DENND4B: variants seen among roughly 807,000 people sequenced by gnomAD.
DENND4B encodes DENN domain containing 4B.
DENND4B carries 67 observed loss-of-function variants against 161.0 expected under a neutral mutation model. The ratio of observed to expected loss-of-function variants is 0.42; its 90% confidence interval spans 0.34 to 0.51. The LOEUF is 0.51. DENND4B is among the 20% of genes least tolerant of loss of function. DENND4B has a pLI of 0.08. For synonymous variants in DENND4B, 753 were observed against 813.8 expected (o/e 0.93, Z 1.27); for missense variants, 1,481 against 1,968.0 (o/e 0.75, Z 4.68).
chr1:153,939,870 A>T, intron 11 of DENND4B, 66 bp from the exon 12 acceptor site: 1 of 1,499,238 alleles, frequency 6.7e-7, no homozygotes, highest in Non-Finnish European at 9.1e-7. Context: ...CTCTGCTCTC[A>T]TGCCTCCATC....
chr1:153,933,593 A>T lies in DENND4B; in HGVS notation c.3220T>A (p.Ser1074Thr). Residue 1074 changes from serine (S) to threonine (T), a missense_variant, in exon 20 of 28, where the codon TCC (serine) becomes ACC (threonine). Coordinates refer to ENST00000361217, the MANE Select transcript of DENND4B (RefSeq NM_014856.3). The surrounding 1 kb of genome is among the most constrained non-coding windows in gnomAD (Gnocchi z 5.7). Reference sequence around the variant, plus strand: ...GGCAGCTCAGGTGGGGGAATGCGGGAGGCAGGGGAGTGGCGGGAAGGAGTG... The same window carrying T: ...GGCAGCTCAGGTGGGGGAATGCGGGTGGCAGGGGAGTGGCGGGAAGGAGTG... ...LLTPSRHSPA[S>T]RIPPPELPPD... 1 of 1,571,188 alleles carries T rather than the reference A, an allele frequency of 6.4e-7. No homozygotes were observed. Among genetic ancestry groups the T allele is most frequent in the Non-Finnish European group, 8.6e-7 (1 of 1,160,850 alleles).
Position 153,936,740 on chromosome 1 carries a change from T to C in DENND4B, c.2241A>G (p.Lys747=), listed in dbSNP as rs764538884. 2 of 1,588,032 alleles carry C rather than the reference T, an allele frequency of 1.3e-6. No individual in the cohort carries two copies. The highest frequency in any genetic ancestry group is 2.7e-5 in the African/African-American group (2 of 74,564). Residue 747 remains lysine, a synonymous_variant, in exon 16 of 28, where the codon AAA becomes AAG. Transcript: ENST00000361217. This position sits in a 1 kb window ranked among gnomAD's most constrained non-coding sequence, Gnocchi z 4.1. ...ACTTCTGTGCCATCCGCTGTGCAAC[T>C]TTCATCTCCTAGGTAGGACAGGGGA... The part of the protein sequence containing the change: ...PAPRRTKQEM[K]VAQRMAQKSA...
Position 153,930,013 on chromosome 1 carries a change from GA to G in DENND4B, c.*283del, listed in dbSNP as rs1486038200. On this transcript the variant is annotated 3_prime_UTR_variant, in exon 28 of 28. Coordinates refer to ENST00000361217, the MANE Select transcript of DENND4B (RefSeq NM_014856.3). The surrounding 1 kb of genome is among the most constrained non-coding windows in gnomAD (Gnocchi z 4.7). ...GCAATGCAGATCTGTGGGTACCCTG[GA>G]GGGGAGTTCCCGGTATAGGACAAGG... 2.3e-6 allele frequency: 1 copy of G among 434,176 alleles called. No individual in the cohort carries two copies. Among genetic ancestry groups the G allele is most frequent in the African/African-American group, 2.0e-5 (1 of 50,284 alleles). The allele number at this position is 434,176 out of a possible 1,614,324, so 26.9% of individuals were successfully genotyped here. A position where few individuals can be genotyped will look rare whatever the true frequency, so the allele number is the denominator to read the frequency against.
chr1:153,933,905 C>T lies in DENND4B; in HGVS notation c.2942-34G>A, dbSNP rs1679144573. On this transcript the variant is annotated intron_variant, in intron 19 of 27. Coordinates refer to ENST00000361217, the MANE Select transcript of DENND4B (RefSeq NM_014856.3). The surrounding 1 kb of genome is among the most constrained non-coding windows in gnomAD (Gnocchi z 5.7). The stretch of plus-strand genomic sequence containing the variant: ...CAGAAAAGAATGAGGGAAGATGGAC[C>T]CCAGCCTCTGCACCAACTTCCCCTT... The T allele has an allele frequency of 1.9e-6, 3 of 1,590,962 alleles. No homozygotes were observed. The South Asian group carries it at 3.4e-5, about 18-fold the overall frequency.
chr1:153,933,634 C>T lies in DENND4B; in HGVS notation c.3179G>A (p.Arg1060His), dbSNP rs772809386. 2 of 1,564,984 alleles carry T rather than the reference C, an allele frequency of 1.3e-6. No homozygotes were observed. The highest frequency in any genetic ancestry group is 1.7e-6 in the Non-Finnish European group (2 of 1,157,784). Residue 1060 changes from arginine to histidine, a missense_variant, in exon 20 of 28, where the codon CGC becomes CAC. Arg to His is a conservative substitution (Grantham distance 29). This residue lies in a region of DENND4B where 339 missense variants were observed against 330.3 expected (regional missense o/e 1.03). Coordinates refer to ENST00000361217, the MANE Select transcript of DENND4B (RefSeq NM_014856.3). This position sits in a 1 kb window ranked among gnomAD's most constrained non-coding sequence, Gnocchi z 5.7. ...AGTPRRGLGA[R>H]LQQLLTPSRH... The stretch of plus-strand genomic sequence containing the variant: ...GGAAGGAGTGAGCAGCTGTTGGAGG[C>T]GGGCACCCAGCCCTCGTCGGGGGGT...
intron 12 of DENND4B, 76 bp downstream of exon 12, chr1:153,939,513 C>T (rs1679547236): frequency 1.5e-5 from 23 of 1,486,422 alleles, no homozygotes; most frequent in East Asian, 4.6e-5. Context: ...CAGTCCCCTC[C>T]GCCTTTCTGA....
Position 153,933,711 on chromosome 1 carries a change from T to C in DENND4B, c.3102A>G (p.Glu1034=). 1 of 1,586,868 alleles carries C rather than the reference T, an allele frequency of 6.3e-7. No homozygotes were observed. Among genetic ancestry groups the C allele is most frequent in the Non-Finnish European group, 8.6e-7 (1 of 1,167,024 alleles). ...ALSAQSTEAL[E]GLSGRGPKAG... ...CCTTGGGTCCCCGCCCACTTAGCCC[T>C]TCCAGGGCCTCAGTGGACTGGGCAC... The change falls in exon 20 of 28, where the codon GAA becomes GAG. Residue 1034 remains glutamate, a synonymous_variant. Coordinates refer to ENST00000361217, the MANE Select transcript of DENND4B (RefSeq NM_014856.3). The surrounding 1 kb of genome is among the most constrained non-coding windows in gnomAD (Gnocchi z 5.7).
rs555618788 is a variant in DENND4B, at chr1:153,942,992, C to A, written c.456G>T (p.Glu152Asp). 38 of 1,613,886 alleles carry A rather than the reference C, an allele frequency of 2.4e-5. No homozygotes were observed. The highest frequency in any genetic ancestry group is 1.6e-4 in the Middle Eastern group (1 of 6,082). The change falls in exon 3 of 28, where the codon GAG becomes GAT. Residue 152 changes from glutamate to aspartate, a missense_variant. Physicochemically the swap from Glu to Asp is conservative, Grantham distance 45 (BLOSUM62 2). This residue lies in a region of DENND4B where 806 missense variants were observed against 1,134.4 expected (regional missense o/e 0.71). Transcript: ENST00000361217. The surrounding 1 kb of genome is among the most constrained non-coding windows in gnomAD (Gnocchi z 6.9). ...RTYLTYRRAA[E>D]GAGLHALGIT... ...TGCCCAGGGCATGCAGCCCTGCCCC[C>A]TCTGCTGCCCGCCGGTAAGTGAGGT...
At position 153,940,045 on chromosome 1, in the gene DENND4B, C is replaced by T. The variant is rs1219592960; in HGVS notation, c.1603+111G>A. 2 of 1,023,304 alleles carry T rather than the reference C, an allele frequency of 2.0e-6. No individual in the cohort carries two copies. Among genetic ancestry groups the T allele is most frequent in the Non-Finnish European group, 2.8e-6 (2 of 709,252 alleles). 63.4% of individuals were successfully genotyped at this position (1,023,304 alleles called of 1,614,324 possible). Reference sequence around the variant, plus strand: ...TCCCTCAGTTCCACCAAATGCAATCCTAACTTCACTCACCTCCTTAAGAAA... The same window carrying T: ...TCCCTCAGTTCCACCAAATGCAATCTTAACTTCACTCACCTCCTTAAGAAA... On this transcript the variant is annotated intron_variant, in intron 11 of 27. Coordinates refer to ENST00000361217, the MANE Select transcript of DENND4B (RefSeq NM_014856.3). This position sits in a 1 kb window ranked among gnomAD's most constrained non-coding sequence, Gnocchi z 5.6.
chr1:153,931,096 GC>G, intron 24 of DENND4B, 32 bp from the exon 25 acceptor site: 1 of 1,555,830 alleles, frequency 6.4e-7, no homozygotes. Context: ...AGACAGTTAG[GC>G]TCAACGAATG....
chr1:153,944,469 T>G lies in DENND4B; in HGVS notation c.-23-72A>C, dbSNP rs1679860296. On this transcript the variant is annotated intron_variant, in intron 1 of 27. Transcript: ENST00000361217. The surrounding 1 kb of genome is among the most constrained non-coding windows in gnomAD (Gnocchi z 4.8). ...TGCCATGGCAACCAGGGTACCCTCT[T>G]GCTCCCCTCCTCTTCCTAGTCCTTC... 1.4e-6 allele frequency: 2 copies of G among 1,411,232 alleles called. No individual in the cohort carries two copies. Among genetic ancestry groups the G allele is most frequent in the South Asian group, 2.9e-5 (2 of 69,730 alleles). 87.4% of individuals were successfully genotyped at this position (1,411,232 alleles called of 1,614,324 possible). A position where few individuals can be genotyped will look rare whatever the true frequency, so the allele number is the denominator to read the frequency against.
Position 153,934,033 on chromosome 1 carries a change from C to T in DENND4B, c.2941+102G>A, listed in dbSNP as rs1679153521. ...CCCTCAGAATCTACAGCACCCACCACAGAGGGCCGCCCTCCACTCTGTTTC... is the reference window on the plus strand; with the variant it reads ...CCCTCAGAATCTACAGCACCCACCATAGAGGGCCGCCCTCCACTCTGTTTC... On this transcript the variant is annotated intron_variant, in intron 19 of 27. Coordinates refer to ENST00000361217, the MANE Select transcript of DENND4B (RefSeq NM_014856.3). This position sits in a 1 kb window ranked among gnomAD's most constrained non-coding sequence, Gnocchi z 5.3. 2.0e-6 allele frequency: 3 copies of T among 1,466,946 alleles called. No homozygotes were observed. Among genetic ancestry groups the T allele is most frequent in the Non-Finnish European group, 2.7e-6 (3 of 1,107,828 alleles). The allele number at this position is 1,466,946 out of a possible 1,614,324, so 90.9% of individuals were successfully genotyped here.
chr1:153,931,611 C>A (rs903445570), intron 24 of DENND4B, among the ~76,000 whole-genome samples: 86 of 151,712 alleles, frequency 5.7e-4, no homozygotes, highest in Admixed American at 7.2e-4. Flanking sequence ...CATTCTCCTG[C>A]CTCAGCCTCC....
At chr1:153,943,795 C>T (rs1024355219) in intron 2 of DENND4B, among the ~76,000 whole-genome samples, 1 of 151,892 alleles carries the variant, frequency 6.6e-6, no homozygotes, top group Non-Finnish European at 1.5e-5. Flanking sequence ...GAATTATTTT[C>T]CCCATTTGAC....
In DENND4B at chr1:153,930,725, A is replaced by G; in HGVS notation, c.4247T>C (p.Leu1416Pro). 1 of 1,611,654 alleles carries G rather than the reference A, an allele frequency of 6.2e-7. No individual in the cohort carries two copies. Among genetic ancestry groups the G allele is most frequent in the Non-Finnish European group, 8.5e-7 (1 of 1,178,756 alleles). Residue 1416 changes from leucine (L) to proline (P), a missense_variant, in exon 26 of 28, where the codon CTA becomes CCA. Transcript: ENST00000361217. This position sits in a 1 kb window ranked among gnomAD's most constrained non-coding sequence, Gnocchi z 4.7. ...GTGCAGGCCAGTGGGTGGGGGCCCTAGAGTTTCCAGCAGGAGCCCCACAGC... is the reference window on the plus strand; with the variant it reads ...GTGCAGGCCAGTGGGTGGGGGCCCTGGAGTTTCCAGCAGGAGCCCCACAGC... ...HKAVGLLLET[L>P]GPPPTGLHLQ...
chr1:153,941,776 C>CGGGGGGGGG, intron 6 of DENND4B, 93 bp downstream of exon 6: 1 of 509,988 alleles, frequency 2.0e-6, no homozygotes, highest in Non-Finnish European at 3.7e-6. Flanking sequence ...CTGTGCCCAG[C>CGGGGGGGGG]CCTCCCCCCA....
At chr1:153,945,032 T>C (rs1679884066) in intron 1 of DENND4B, 1 of 1,206,674 alleles carries the variant, frequency 8.3e-7, no homozygotes, top group Non-Finnish European at 1.1e-6. Context: ...CTTAGGTAGC[T>C]CGTTAGATCC....
rs1557859661 is a variant in DENND4B at position 153,944,151 on chromosome 1, TG to T, written c.223del (p.His75ThrfsTer224). ...YTCIQASAGGHPLELSAGLLG... is the reference protein window; with the variant it reads ...YTCIQASAGGXPLELSAGLLG... ...AAGTCCAGCACTGAGTTCCAAGGGG[TG>T]GCCCCCAGCAGAAGCCTGGATGCAT... is the stretch of plus-strand genomic sequence containing the variant. On this transcript the variant is annotated frameshift_variant, in exon 2 of 28. Coordinates refer to ENST00000361217, the MANE Select transcript of DENND4B (RefSeq NM_014856.3). LOFTEE classifies it high-confidence loss of function. This position sits in a 1 kb window ranked among gnomAD's most constrained non-coding sequence, Gnocchi z 4.8. 6.2e-7 allele frequency: 1 copy of T among 1,612,148 alleles called. No individual in the cohort carries two copies.
rs1192178337 is a variant in DENND4B at position 153,940,560 on chromosome 1, G to A, written c.1373C>T (p.Pro458Leu). ...HWQCPYIPLC[P>L]LVLADVLSAP... ...ACTCAGCACATCTGCCAGCACCAGC[G>A]GGCACAGAGGAATGTAGGGGCACTG... Residue 458 changes from proline to leucine, a missense_variant, in exon 10 of 28, where the codon CCG becomes CTG. Physicochemically the swap from Pro to Leu is moderately conservative, Grantham distance 98 (BLOSUM62 -3). Around this residue, in one of 3 missense-constraint regions of DENND4B, gnomAD observed 806 missense variants for 1,134.4 expected, o/e 0.71. Transcript: ENST00000361217. The surrounding 1 kb of genome is among the most constrained non-coding windows in gnomAD (Gnocchi z 5.6). 7 of 1,613,398 alleles carry A rather than the reference G, an allele frequency of 4.3e-6. No individual in the cohort carries two copies. Among genetic ancestry groups the A allele is most frequent in the South Asian group, 2.2e-5 (2 of 90,966 alleles).
Sources: gnomAD v4.1 joint callset for allele counts (sites outside exome capture counted in the v4.1 genomes callset) on GRCh38, gnomAD v4.1.1 for gene constraint, gnomAD v4.1.1 regional missense constraint, Gnocchi (gnomAD v3.1) non-coding constraint, MANE v1.5 for transcripts, NCBI Gene and HGNC (gene_info 2026-07-23, HGNC 2026-07-21) for gene names.